EIPR1: variants seen among roughly 807,000 people sequenced by gnomAD.
EIPR1 encodes the protein EARP complex and GARP complex interacting protein 1.
In EIPR1, 25 loss-of-function variants were observed where a neutral mutation model predicts 48.1. The observed-to-expected ratio is 0.52, with a 90% CI of 0.38 to 0.73. The LOEUF (loss-of-function observed/expected upper bound fraction) is 0.73, where lower values mean the gene tolerates loss of function less well. Ranked by LOEUF, EIPR1 falls within the 30% of genes least tolerant of loss-of-function variation. The pLI, the probability that EIPR1 is intolerant of heterozygous loss-of-function variation, is 0.00. For missense variants in EIPR1, 415 were observed against 506.2 expected, an observed-to-expected ratio of 0.82 and a Z score of 1.73; for synonymous variants, 204 against 201.9, an observed-to-expected ratio of 1.01 and a Z score of -0.09.
At chr2:3,365,708 C>G (rs868575202) in intron 1 of EIPR1, among the ~76,000 whole-genome samples, 2 of 150,964 alleles carry the variant, frequency 1.3e-5, no homozygotes, top group Middle Eastern at 3.4e-3. Context: ...CTGCTGCCTT[C>G]AAGCATCTGT....
At chr2:3,237,422 T>C (rs1666443932) in intron 4 of EIPR1, among the ~76,000 whole-genome samples, 1 of 152,224 alleles carries the variant, frequency 6.6e-6, no homozygotes, top group Non-Finnish European at 1.5e-5. Context: ...TAGTCCAGTC[T>C]ATTGTTACAG....
chr2:3,348,943 C>T (rs910223975), intron 2 of EIPR1, among the ~76,000 whole-genome samples: 1 of 152,218 alleles, frequency 6.6e-6, no homozygotes, highest in South Asian at 2.1e-4. Context: ...CTGGTCTGTG[C>T]ACATGCGCAC....
chr2:3,340,274 A>G (rs1480702594), intron 2 of EIPR1, among the ~76,000 whole-genome samples: 1 of 152,234 alleles, frequency 6.6e-6, no homozygotes, highest in East Asian at 1.9e-4. Context: ...GAGCTGAACC[A>G]CAATCTCCCA....
chr2:3,358,501 T>C (rs972538329), intron 1 of EIPR1, among the ~76,000 whole-genome samples: 1 of 152,160 alleles, frequency 6.6e-6, no homozygotes, highest in African/African-American at 2.4e-5. Flanking sequence ...TGTGAGCCAA[T>C]TCAACTCTTC....
chr2:3,273,528 C>T (rs563698185), intron 3 of EIPR1, among the ~76,000 whole-genome samples: 18 of 78,906 alleles, frequency 2.3e-4, no homozygotes, highest in South Asian at 2.2e-3. Context: ...GTCACACACA[C>T]GCAAAAAAAA....
intron 2 of EIPR1, among the ~76,000 whole-genome samples, chr2:3,344,031 C>A (rs929289423): frequency 1.3e-5 from 2 of 152,148 alleles, no homozygotes; most frequent in Non-Finnish European, 2.9e-5. Flanking sequence ...ATGGCAAGAT[C>A]CCATCTCTAC....
intron 1 of EIPR1, among the ~76,000 whole-genome samples, chr2:3,373,228 T>C (rs1659753276): frequency 6.6e-6 from 1 of 151,674 alleles, no homozygotes; most frequent in Non-Finnish European, 1.5e-5. Context: ...ATGGGAAGTA[T>C]CTCAAAATAA....
intron 3 of EIPR1, chr2:3,274,430 A>T (rs773763701): frequency 3.2e-6 from 5 of 1,550,552 alleles, no homozygotes; most frequent in Middle Eastern, 1.7e-4. Context: ...CTAGAAAAAA[A>T]GTCAGGGCAG....
At position 3,338,073 on chromosome 2, in the gene EIPR1, C is replaced by T; in HGVS notation, c.203G>A (p.Trp68Ter). Residue 68 changes from tryptophan to a stop codon, truncating the protein, a stop_gained, in exon 3 of 9, where the codon TGG becomes TAG. Transcript: ENST00000382125. LOFTEE classifies it high-confidence loss of function. The part of the protein sequence containing the change: ...NVLLHQAGEI[W>*]HISASPADRG... ...GTCTGCAGGGCTAGCGCTAATATGCCAGATTTCACCCGCTTGATGGAGGAG... is the reference window on the plus strand; with the variant it reads ...GTCTGCAGGGCTAGCGCTAATATGCTAGATTTCACCCGCTTGATGGAGGAG... 6.2e-7 allele frequency: 1 copy of T among 1,613,042 alleles called. No homozygotes were observed. Among genetic ancestry groups the T allele is most frequent in the Non-Finnish European group, 8.5e-7 (1 of 1,179,858 alleles).
intron 3 of EIPR1, among the ~76,000 whole-genome samples, chr2:3,295,730 A>C (rs1318304533): frequency 3.2e-5 from 2 of 61,782 alleles, no homozygotes; most frequent in South Asian, 6.1e-4. Context: ...CATCCTCTCT[A>C]CATACACACA....
chr2:3,276,197 G>T (rs1174601781), intron 3 of EIPR1, among the ~76,000 whole-genome samples: 1 of 152,210 alleles, frequency 6.6e-6, no homozygotes, highest in African/African-American at 2.4e-5. Flanking sequence ...TCAATCTAAA[G>T]TGGACTGTTT....
chr2:3,275,455 T>C (rs909855198), intron 3 of EIPR1, among the ~76,000 whole-genome samples: 6 of 152,082 alleles, frequency 3.9e-5, no homozygotes, highest in African/African-American at 1.4e-4. Flanking sequence ...CAATAACTGA[T>C]AGAACCAGTT....
intron 3 of EIPR1, among the ~76,000 whole-genome samples, chr2:3,303,583 A>G (rs1304953758): frequency 2.0e-5 from 3 of 152,222 alleles, no homozygotes; most frequent in Non-Finnish European, 2.9e-5. Context: ...GAAACTGGAA[A>G]ATAGATTTCT....
At chr2:3,221,915 C>A (rs1558233489) in intron 4 of EIPR1, among the ~76,000 whole-genome samples, 1 of 152,226 alleles carries the variant, frequency 6.6e-6, no homozygotes, top group Non-Finnish European at 1.5e-5. Context: ...CATTTTGAAG[C>A]ATCCATTTCA....
chr2:3,339,968 TTGAG>T (rs1670185593), intron 2 of EIPR1, among the ~76,000 whole-genome samples: 1 of 152,112 alleles, frequency 6.6e-6, no homozygotes, highest in Non-Finnish European at 1.5e-5. Flanking sequence ...CAAAAAAACT[TTGAG>T]TGGCATCTTC....
At chr2:3,307,114 C>T (rs1572421828) in intron 3 of EIPR1, among the ~76,000 whole-genome samples, 1 of 152,146 alleles carries the variant, frequency 6.6e-6, no homozygotes. Flanking sequence ...AGGCGCCTGC[C>T]ACCACACCCT....
intron 1 of EIPR1, 158 bp downstream of exon 1, chr2:3,377,490 C>A: frequency 1.0e-6 from 1 of 965,530 alleles, no homozygotes; most frequent in South Asian, 1.7e-5. Flanking sequence ...GTTTAACCTC[C>A]TAAAGCCTCA....
At chr2:3,202,312 A>G (rs780967133) in intron 5 of EIPR1, among the ~76,000 whole-genome samples, 7 of 152,368 alleles carry the variant, frequency 4.6e-5, no homozygotes, top group Admixed American at 6.5e-5. Flanking sequence ...TTAGGTAAAC[A>G]GAAAAAAGTC....
chr2:3,225,421 T>G (rs570319492), intron 4 of EIPR1, among the ~76,000 whole-genome samples: 6 of 152,234 alleles, frequency 3.9e-5, no homozygotes, highest in African/African-American at 1.4e-4. Flanking sequence ...AATTTTTAAA[T>G]TTTTTGTAAA....
Sources: allele counts gnomAD v4.1 joint callset (sites outside exome capture counted in the v4.1 genomes callset), GRCh38; gene constraint gnomAD v4.1.1; transcripts MANE v1.5; gene names NCBI Gene and HGNC (gene_info 2026-07-23, HGNC 2026-07-21).